Variants in KDM6A observed in about 807,000 individuals in gnomAD.
The protein encoded by KDM6A is lysine-specific demethylase 6A.
In KDM6A, 11 loss-of-function variants were observed where a neutral mutation model predicts 117.6. The observed-to-expected ratio is 0.09, with a 90% confidence interval of 0.06 to 0.15. The LOEUF is 0.15. KDM6A is among the 10% of genes least tolerant of loss of function. The pLI, the probability that KDM6A is intolerant of heterozygous loss-of-function variation, is 1.00. For synonymous variants in KDM6A, 384 were observed against 396.1 expected (o/e 0.97, Z 0.36); for missense variants, 799 against 1,077.3 (o/e 0.74, Z 3.62).
At chrX:45,060,522 G>T (rs1464931491) in intron 13 of KDM6A, 87 bp from the exon 14 acceptor site, 1 of 748,508 alleles carries the variant, frequency 1.3e-6, no homozygotes, top group East Asian at 4.8e-5. Context: ...GCTTTGAAAA[G>T]TATGCAGCTT....
chrX:45,108,860 A>G (rs1343901729), intron 28 of KDM6A, among the ~76,000 whole-genome samples: 10 of 100,735 alleles, frequency 9.9e-5, no homozygotes, highest in Admixed American at 3.3e-4. Flanking sequence ...TCAGTAAACT[A>G]TCGCAAGAAC....
At chrX:45,035,081 C>CT (rs2042752884) in intron 7 of KDM6A, 96 bp downstream of exon 7, 4 of 760,121 alleles carry the variant, frequency 5.3e-6, no homozygotes, top group Non-Finnish European at 8.1e-6. Context: ...GCAATTTTTT[C>CT]TTTTAGAATT....
chrX:44,942,452 C>A (rs2037389206), intron 2 of KDM6A, among the ~76,000 whole-genome samples: 1 of 110,738 alleles, frequency 9.0e-6, no homozygotes, highest in Non-Finnish European at 1.9e-5. Flanking sequence ...TGATCTGTAT[C>A]TTCTGTTGAT....
chrX:45,030,621 T>G (rs766769635), intron 6 of KDM6A, among the ~76,000 whole-genome samples: 1 of 110,498 alleles, frequency 9.0e-6, no homozygotes, highest in Non-Finnish European at 1.9e-5. Flanking sequence ...CATGGCATCC[T>G]AGGGCATTTC....
chrX:44,959,412 G>T (rs750131696), intron 2 of KDM6A, among the ~76,000 whole-genome samples: 40 of 109,871 alleles, frequency 3.6e-4, no homozygotes, highest in Non-Finnish European at 6.8e-4. Flanking sequence ...ATAAGAGGAA[G>T]TAGAGAATGT....
Position 45,112,383 on chromosome X carries a change from A to G in KDM6A, c.*972A>G, listed in dbSNP as rs1485160786. Reference sequence around the variant, plus strand: ...ATATAATATATATAGAAATCTGGATATATATGTATAAATCTTTAGAACTTA... The same window carrying G: ...ATATAATATATATAGAAATCTGGATGTATATGTATAAATCTTTAGAACTTA... On this transcript the variant is annotated 3_prime_UTR_variant, in exon 30 of 30. Transcript: ENST00000611820. 7.6e-6 allele frequency: 1 copy of G among 130,894 alleles called. No individual in the cohort carries two copies. The highest frequency in any genetic ancestry group is 1.5e-5 in the Non-Finnish European group (1 of 65,124). 10.8% of individuals were successfully genotyped at this position (130,894 alleles called of 1,213,427 possible).
intron 19 of KDM6A, among the ~76,000 whole-genome samples, chrX:45,077,240 G>GT (rs1289942816): frequency 2.7e-5 from 3 of 109,997 alleles, no homozygotes; most frequent in Non-Finnish European, 5.7e-5. Flanking sequence ...GAACATAAGT[G>GT]TGATAGTAGA....
intron 4 of KDM6A, among the ~76,000 whole-genome samples, chrX:44,998,000 A>G (rs1215039873): frequency 8.9e-6 from 1 of 112,114 alleles, no homozygotes; most frequent in Non-Finnish European, 1.9e-5. Context: ...AAGAGTCATA[A>G]AATGAAGGCC....
chrX:45,006,522 C>T (rs1050988820), intron 4 of KDM6A, among the ~76,000 whole-genome samples: 1 of 110,254 alleles, frequency 9.1e-6, no homozygotes, highest in African/African-American at 3.3e-5. Context: ...CTGTGTCATT[C>T]CCCTCTTGGC....
chrX:45,043,350 AT>A (rs1161954353), intron 8 of KDM6A, among the ~76,000 whole-genome samples: 56 of 111,909 alleles, frequency 5.0e-4, no homozygotes, highest in African/African-American at 1.7e-3. Context: ...GATTAAAAAA[AT>A]TTTTTTGTTG....
In KDM6A at chrX:45,092,011, G is replaced by A. The variant is rs866804735; in HGVS notation, c.4034+1147G>A. On this transcript the variant is annotated intron_variant, in intron 27 of 29. Transcript: ENST00000611820. ...TTACCTAGTTATAGGTAGAAGGGTA[G>A]GGGAGACAAAAAGGACCAAAAGCCA... 3.6e-5 allele frequency among the ~76,000 whole-genome samples: 4 copies of A among 111,270 alleles called. No homozygotes were observed. The South Asian group carries it at 1.5e-3, about 42-fold the overall frequency.
chrX:44,907,445 T>TTGTGTGTG (rs71867476), intron 2 of KDM6A, among the ~76,000 whole-genome samples: 7 of 93,510 alleles, frequency 7.5e-5, no homozygotes, highest in Admixed American at 6.2e-4. Flanking sequence ...GCCCGGCTAA[T>TTGTGTGTG]TGTGTGTGTG....
chrX:44,969,411 CTTTTTTTTTT>C (rs11288771), intron 3 of KDM6A, among the ~76,000 whole-genome samples: 14 of 35,995 alleles, frequency 3.9e-4, no homozygotes, highest in Middle Eastern at 0.015. Context: ...CTCTTTTTAT[CTTTTTTTTTT>C]TTTTTTTTTT....
intron 4 of KDM6A, among the ~76,000 whole-genome samples, chrX:44,990,074 A>G (rs1180672409): frequency 1.8e-5 from 2 of 112,114 alleles, no homozygotes; most frequent in East Asian, 5.6e-4. Context: ...ACTGGGGAAA[A>G]GGAAGGCAAA....
At chrX:45,014,928 A>AT (rs1435395626) in intron 5 of KDM6A, among the ~76,000 whole-genome samples, 1 of 111,773 alleles carries the variant, frequency 8.9e-6, no homozygotes, top group African/African-American at 3.3e-5. Flanking sequence ...GATTTTGGAA[A>AT]TTAAGCCCCC....
intron 6 of KDM6A, among the ~76,000 whole-genome samples, chrX:45,034,497 T>C (rs889115315): frequency 2.7e-5 from 3 of 111,868 alleles, no homozygotes; most frequent in African/African-American, 6.5e-5. Context: ...ATAGTGATTT[T>C]TTTTGTTTCA....
intron 2 of KDM6A, among the ~76,000 whole-genome samples, chrX:44,918,377 C>T (rs904647435): frequency 1.8e-5 from 2 of 110,901 alleles, no homozygotes; most frequent in African/African-American, 6.6e-5. Flanking sequence ...GTATGAAACT[C>T]TTCTATTTTG....
chrX:44,924,667 G>A (rs1434504499), intron 2 of KDM6A, among the ~76,000 whole-genome samples: 1 of 109,000 alleles, frequency 9.2e-6, no homozygotes, highest in Non-Finnish European at 1.9e-5. Flanking sequence ...GTGTGTGTGT[G>A]TGTGTGTGTG....
chrX:45,042,252 G>T (rs999114596), intron 8 of KDM6A, among the ~76,000 whole-genome samples: 5 of 69,544 alleles, frequency 7.2e-5, no homozygotes, highest in Non-Finnish European at 1.2e-4. Flanking sequence ...GAAGGAGACC[G>T]TGGAGGGAGA....
Sources: gnomAD v4.1 joint callset for allele counts (sites outside exome capture counted in the v4.1 genomes callset) on GRCh38, gnomAD v4.1.1 for gene constraint, MANE v1.5 for transcripts, NCBI Gene and HGNC (gene_info 2026-07-23, HGNC 2026-07-21) for gene names.